The following LRP1B variants were observed in gnomAD, a reference collection of about 807,000 sequenced individuals.
LRP1B encodes the protein LDL receptor related protein 1B, also known as low-density lipoprotein receptor-related protein 1B.
In LRP1B, 217 loss-of-function variants were observed where a neutral mutation model predicts 556.6. That is an observed-to-expected ratio of 0.39 (90% CI 0.35 to 0.44). LRP1B has a LOEUF of 0.44. Ranked by LOEUF, LRP1B falls within the 20% of genes least tolerant of loss-of-function variation. The pLI, the probability that LRP1B is intolerant of heterozygous loss-of-function variation, is 1.00. For missense variants in LRP1B, 5,053 were observed against 5,620.8 expected, an observed-to-expected ratio of 0.90 and a Z score of 3.23; for synonymous variants, 2,047 against 1,865.8, an observed-to-expected ratio of 1.10 and a Z score of -2.50.
At chr2:141,455,457 G>T (rs1328182118) in intron 3 of LRP1B, among the ~76,000 whole-genome samples, 1 of 152,104 alleles carries the variant, frequency 6.6e-6, no homozygotes, top group Non-Finnish European at 1.5e-5. Context: ...TCGAGCCTGT[G>T]CAGGAATAGC....
At chr2:141,897,060 T>C (rs1699475777) in intron 1 of LRP1B, among the ~76,000 whole-genome samples, 1 of 152,176 alleles carries the variant, frequency 6.6e-6, no homozygotes, top group South Asian at 2.1e-4. Context: ...TACATGTTCA[T>C]AGGACATGTA....
In LRP1B at chr2:141,209,261, C is replaced by T. The variant is rs76788961; in HGVS notation, c.850+19922G>A. ...TAGTCGAATCATGAGGGTGTTTATCCTCATGCTGTTCTCATGAGAGTAAGT... is the reference window on the plus strand; with the variant it reads ...TAGTCGAATCATGAGGGTGTTTATCTTCATGCTGTTCTCATGAGAGTAAGT... On this transcript the variant is annotated intron_variant, in intron 6 of 90. Transcript: ENST00000389484. Among the ~76,000 whole-genome samples the T allele has an allele frequency of 2.7e-3, 404 of 152,210 alleles. 4 individuals carry two copies. Among genetic ancestry groups the T allele is most frequent in the African/African-American group, 8.5e-3 (352 of 41,534 alleles).
chr2:140,519,331 G>C (rs1316245043), intron 49 of LRP1B, among the ~76,000 whole-genome samples: 1 of 152,120 alleles, frequency 6.6e-6, no homozygotes, highest in Non-Finnish European at 1.5e-5. Context: ...TCTGATCTTT[G>C]ACAAACCTAA....
At chr2:141,375,626 C>T (rs1689399774) in intron 3 of LRP1B, among the ~76,000 whole-genome samples, 1 of 152,158 alleles carries the variant, frequency 6.6e-6, no homozygotes, top group Admixed American at 6.5e-5. Context: ...CCTCTCACAG[C>T]TGGGTGGGAG....
intron 2 of LRP1B, among the ~76,000 whole-genome samples, chr2:141,725,519 T>C (rs1213358154): frequency 6.6e-6 from 1 of 151,922 alleles, no homozygotes; most frequent in East Asian, 1.9e-4. Context: ...TTGCAACAAG[T>C]AATAATAATA....
intron 43 of LRP1B, among the ~76,000 whole-genome samples, chr2:140,572,267 T>C (rs1681351485): frequency 6.6e-6 from 1 of 151,184 alleles, no homozygotes; most frequent in African/African-American, 2.4e-5. Context: ...ATATCCACAA[T>C]ACATAAGGAA....
intron 3 of LRP1B, among the ~76,000 whole-genome samples, chr2:141,459,611 G>T (rs12466298): frequency 0.87 from 131,822 of 152,018 alleles, 58,831 homozygotes; most frequent in East Asian, 1. Flanking sequence ...AACTGAGTCA[G>T]GAGGGTGGGT....
intron 6 of LRP1B, among the ~76,000 whole-genome samples, chr2:141,216,109 G>A (rs1214892687): frequency 6.6e-6 from 1 of 152,120 alleles, no homozygotes; most frequent in Non-Finnish European, 1.5e-5. Flanking sequence ...ATGGTTCCAG[G>A]GACCAGGACC....
chr2:141,448,107 C>T (rs1264945267), intron 3 of LRP1B, among the ~76,000 whole-genome samples: 1 of 152,220 alleles, frequency 6.6e-6, no homozygotes, highest in African/African-American at 2.4e-5. Context: ...TTCAGAGATG[C>T]CATGCCCAGA....
intron 2 of LRP1B, among the ~76,000 whole-genome samples, chr2:141,658,578 G>A (rs1003361914): frequency 6.6e-6 from 1 of 152,154 alleles, no homozygotes; most frequent in Non-Finnish European, 1.5e-5. Flanking sequence ...TTACCTGTCG[G>A]GTGAATGCAG....
chr2:141,996,715 C>CA lies in LRP1B; in HGVS notation c.82+133932_82+133933insT, dbSNP rs952211931. On this transcript the variant is annotated intron_variant, in intron 1 of 90. Transcript: ENST00000389484. ...TTCCTGTATTTAAATTTTTTCTTTCCCCCCCCCTACAAACTAGTGACACAA... is the reference window on the plus strand; with the variant it reads ...TTCCTGTATTTAAATTTTTTCTTTCCACCCCCCCTACAAACTAGTGACACAA... Among the ~76,000 whole-genome samples, 77 of 144,160 alleles carry CA rather than the reference C, an allele frequency of 5.3e-4. 1 individual carries two copies. Among genetic ancestry groups the CA allele is most frequent in the Non-Finnish European group, 5.7e-4 (38 of 66,120 alleles). 94.6% of individuals were successfully genotyped at this position (144,160 alleles called of 152,430 possible).
intron 80 of LRP1B, among the ~76,000 whole-genome samples, chr2:140,324,584 TAAATGA>T (rs1162940194): frequency 1.1e-4 from 16 of 152,082 alleles, no homozygotes. Flanking sequence ...AGAAAACAGT[TAAATGA>T]AAATCATTCT....
At chr2:140,507,793 C>T (rs571974576) in intron 52 of LRP1B, among the ~76,000 whole-genome samples, 2 of 152,202 alleles carry the variant, frequency 1.3e-5, no homozygotes, top group South Asian at 4.1e-4. Flanking sequence ...CCGCTATATG[C>T]TATTGTAGAA....
At chr2:140,547,476 A>G (rs112442163) in intron 43 of LRP1B, among the ~76,000 whole-genome samples, 5,157 of 151,874 alleles carry the variant, frequency 0.034, 117 homozygotes, top group African/African-American at 0.063. Context: ...GGTTATTTCT[A>G]TTTCTGTGGG....
chr2:140,907,962 A>C lies in LRP1B; in HGVS notation c.3435T>G (p.Asn1145Lys). The change falls in exon 22 of 91, where the codon AAT (asparagine) becomes AAG (lysine). Residue 1145 changes from asparagine (N) to lysine (K), a missense_variant. By Grantham distance (94) the Asn-to-Lys change is moderately conservative. Around this residue, in one of 5 missense-constraint regions of LRP1B, gnomAD observed 3,619 missense variants for 3,931.9 expected, o/e 0.92. Transcript: ENST00000389484. ...LCGPPKHPCA[N>K]DTSVCLQPEK... Reference sequence around the variant, plus strand: ...CTGGCTGCAGGCAGACTGAGGTGTCATTAGCACAAGGATGCTTGGGTGGTC... The same window carrying C: ...CTGGCTGCAGGCAGACTGAGGTGTCCTTAGCACAAGGATGCTTGGGTGGTC... 6.2e-7 allele frequency: 1 copy of C among 1,613,628 alleles called. No individual in the cohort carries two copies. The highest frequency in any genetic ancestry group is 8.5e-7 in the Non-Finnish European group (1 of 1,179,734).
intron 1 of LRP1B, among the ~76,000 whole-genome samples, chr2:141,992,652 C>A (rs1702380668): frequency 6.6e-6 from 1 of 152,128 alleles, no homozygotes; most frequent in African/African-American, 2.4e-5. Context: ...CATTGAAAAC[C>A]TGCATTCTGC....
chr2:142,090,161 T>A (rs1706109459), intron 1 of LRP1B, among the ~76,000 whole-genome samples: 1 of 152,130 alleles, frequency 6.6e-6, no homozygotes, highest in Non-Finnish European at 1.5e-5. Context: ...TTATAAGAAA[T>A]GGAGCAAAGT....
chr2:141,490,138 C>A (rs13391905), intron 2 of LRP1B, among the ~76,000 whole-genome samples: 69,522 of 151,962 alleles, frequency 0.46, 16,114 homozygotes, highest in Non-Finnish European at 0.48. Context: ...AATATCCTTT[C>A]TCTTTTGAAG....
chr2:140,296,419 G>A (rs1245824675), intron 84 of LRP1B, among the ~76,000 whole-genome samples: 2 of 151,950 alleles, frequency 1.3e-5, no homozygotes, highest in Non-Finnish European at 2.9e-5. Flanking sequence ...AAAATCTTGG[G>A]GTAAAAACAA....
Sources: gnomAD v4.1 joint callset for allele counts (sites outside exome capture counted in the v4.1 genomes callset) on GRCh38, gnomAD v4.1.1 for gene constraint, gnomAD v4.1.1 regional missense constraint, MANE v1.5 for transcripts, NCBI Gene and HGNC (gene_info 2026-07-23, HGNC 2026-07-21) for gene names.